DENND1C: variants seen among roughly 807,000 people sequenced by gnomAD.
The protein encoded by DENND1C is DENN domain-containing protein 1C.
DENND1C carries 64 observed loss-of-function variants against 87.9 expected under a neutral mutation model. That is an observed-to-expected ratio of 0.73 (90% CI 0.60 to 0.90). The LOEUF is 0.90. DENND1C is among the 40% of genes least tolerant of loss of function. The pLI is 0.00. For synonymous variants in DENND1C, 384 were observed against 424.4 expected (o/e 0.90, Z 1.17); for missense variants, 980 against 1,037.0 (o/e 0.95, Z 0.76).
chr19:6,474,727 C>G (rs932023678), intron 14 of DENND1C, among the ~76,000 whole-genome samples: 2 of 152,014 alleles, frequency 1.3e-5, no homozygotes, highest in Non-Finnish European at 2.9e-5. Flanking sequence ...ACAAAGTAAG[C>G]ACTCCATTAA....
rs1049004667 is a variant in DENND1C at position 6,476,715 on chromosome 19, A to G, written c.678+142T>C. ...GGGCGGGGCCAGAGTTCAACTCTCC[A>G]AGACCTTCGAAGGGGCGGGGCCAGG... On this transcript the variant is annotated intron_variant, in intron 10 of 22. Transcript: ENST00000381480. 12 of 837,148 alleles carry G rather than the reference A, an allele frequency of 1.4e-5. No individual in the cohort carries two copies. In the Middle Eastern group the frequency reaches 1.1e-3, roughly 77 times the overall value. The allele number at this position is 837,148 out of a possible 1,614,324, so 51.9% of individuals were successfully genotyped here.
Position 6,478,789 on chromosome 19 carries a change from C to T in DENND1C, c.360G>A (p.Gln120=). Residue 120 remains glutamine, a synonymous_variant, in exon 6 of 23, where the codon CAG becomes CAA. Transcript: ENST00000381480. ...LLNTVGDLLA[Q]DQVTEAEELL... ...AGAGAGGGGCTGGTCTCACTTGGTCCTGGGCTAGGAGGTCTCCCACTGTGT... is the reference window on the plus strand; with the variant it reads ...AGAGAGGGGCTGGTCTCACTTGGTCTTGGGCTAGGAGGTCTCCCACTGTGT... 1 of 1,612,410 alleles carries T rather than the reference C, an allele frequency of 6.2e-7. No homozygotes were observed. The highest frequency in any genetic ancestry group is 1.1e-5 in the South Asian group (1 of 90,782).
intron 14 of DENND1C, among the ~76,000 whole-genome samples, 191 bp from the exon 15 acceptor site, chr19:6,473,184 C>T (rs1463612825): frequency 6.6e-6 from 1 of 152,232 alleles, no homozygotes; most frequent in Non-Finnish European, 1.5e-5. Flanking sequence ...GAGACGGAGT[C>T]TCGCTCTGTC....
intron 14 of DENND1C, among the ~76,000 whole-genome samples, chr19:6,473,816 G>GGGGGGGGGGGGGCAA (rs1231177042): frequency 1.5e-5 from 2 of 131,666 alleles, no homozygotes; most frequent in Non-Finnish European, 3.2e-5. Context: ...GGGGGGTGGG[G>GGGGGGGGGGGGGCAA]GGAGGGAAAT....
intron 14 of DENND1C, among the ~76,000 whole-genome samples, chr19:6,473,816 G>GGGGGGGGGGGGGGGGGGGGGGGGAA (rs1231177042): frequency 7.6e-6 from 1 of 131,586 alleles, no homozygotes; most frequent in Non-Finnish European, 1.6e-5. Flanking sequence ...GGGGGGTGGG[G>GGGGGGGGGGGGGGGGGGGGGGGGAA]GGAGGGAAAT....
chr19:6,475,655 G>GA lies in DENND1C; in HGVS notation c.825+50dup, dbSNP rs1568398305. 7 of 1,612,186 alleles carry GA rather than the reference G, an allele frequency of 4.3e-6. No individual in the cohort carries two copies. The Admixed American group carries it at 1.2e-4, about 27-fold the overall frequency. On this transcript the variant is annotated intron_variant, in intron 12 of 22. Coordinates refer to ENST00000381480, the MANE Select transcript of DENND1C (RefSeq NM_024898.4). ...GCAGAGGAGGGCATCTGGGGATGTA[G>GA]AGGAAGGGGGAACCCTCACGTCCCC...
intron 14 of DENND1C, among the ~76,000 whole-genome samples, chr19:6,473,388 C>G (rs1479159065): frequency 6.6e-6 from 1 of 150,766 alleles, no homozygotes; most frequent in African/African-American, 2.4e-5. Flanking sequence ...CTCTTGACCT[C>G]GTGATCCACC....
Position 6,468,970 on chromosome 19 carries a change from G to T in DENND1C, c.1408-17C>A. 1 of 1,352,904 alleles carries T rather than the reference G, an allele frequency of 7.4e-7. No individual in the cohort carries two copies. The highest frequency in any genetic ancestry group is 9.6e-7 in the Non-Finnish European group (1 of 1,044,628). 83.8% of individuals were successfully genotyped at this position (1,352,904 alleles called of 1,614,324 possible). ...GTCCCCATCCTAGGAAGAGAAGAGT[G>T]AACTGGGAACCTCTGCCACAGAGTC... On this transcript the variant is annotated splice_polypyrimidine_tract_variant and intron_variant, in intron 19 of 22. Coordinates refer to ENST00000381480, the MANE Select transcript of DENND1C (RefSeq NM_024898.4).
chr19:6,474,992 C>G (rs576670005), intron 14 of DENND1C, among the ~76,000 whole-genome samples: 2 of 152,046 alleles, frequency 1.3e-5, no homozygotes, highest in Admixed American at 6.6e-5. Flanking sequence ...TCGCTTGAAC[C>G]CGGGAGGCAC....
rs1568401779 is a variant in DENND1C at position 6,479,276 on chromosome 19, T to TCC, written c.177-221_177-220insGG. 3.0e-3 allele frequency among the ~76,000 whole-genome samples: 438 copies of TCC among 148,198 alleles called. 4 individuals are homozygous for TCC. Among genetic ancestry groups the TCC allele is most frequent in the African/African-American group, 0.011 (416 of 38,590 alleles). The stretch of plus-strand genomic sequence containing the variant: ...CCCTGGGTCCCTGGATCTCTGGGTT[T>TCC]CTGGATCTCTGGGTCCTTGAATCCC... On this transcript the variant is annotated intron_variant, in intron 4 of 22. Transcript: ENST00000381480.
rs2092852302 is a variant in DENND1C at position 6,475,313 on chromosome 19, C to G, written c.1014G>C (p.Leu338=). The G allele has an allele frequency of 6.2e-7, 1 of 1,613,306 alleles. No homozygotes were observed. The highest frequency in any genetic ancestry group is 1.3e-5 in the African/African-American group (1 of 74,940). Residue 338 remains leucine (L), a synonymous_variant, in exon 14 of 23, where the codon CTG becomes CTC. Coordinates refer to ENST00000381480, the MANE Select transcript of DENND1C (RefSeq NM_024898.4). ...GTGCGTCGCGGTACCCCCCGAAGAG[C>G]AGGGCCTGGGCTTTGAGGAAGAGAC... is the stretch of plus-strand genomic sequence containing the variant. ...VSRLFLKAQA[L]LFGGYRDALV... is the part of the protein sequence containing the mutation.
rs755657749 is a variant in DENND1C, at chr19:6,471,322, G to C, written c.1250-17C>G. 4.4e-6 allele frequency: 7 copies of C among 1,597,104 alleles called. No homozygotes were observed. Among genetic ancestry groups the C allele is most frequent in the Non-Finnish European group, 5.1e-6 (6 of 1,171,950 alleles). On this transcript the variant is annotated splice_polypyrimidine_tract_variant and intron_variant, in intron 16 of 22. Transcript: ENST00000381480. ...GAAGGGCCCCTGGGGTAAGGAGAGA[G>C]TGTGGTGGTCACCGAAGGCTGGCTG...
At position 6,468,255 on chromosome 19, in the gene DENND1C, G is replaced by T; in HGVS notation, c.1770C>A (p.Asp590Glu). The T allele has an allele frequency of 6.2e-7, 1 of 1,613,496 alleles. No individual in the cohort carries two copies. The highest frequency in any genetic ancestry group is 8.5e-7 in the Non-Finnish European group (1 of 1,179,664). Residue 590 changes from aspartate to glutamate, a missense_variant, in exon 22 of 23, where the codon GAC (aspartate) becomes GAA (glutamate). Coordinates refer to ENST00000381480, the MANE Select transcript of DENND1C (RefSeq NM_024898.4). ...TCACCAGGCTGAAGCAGCTGTCCAG[G>T]TCTCCTCTGTGACAGCAGTCTAAAC... ...SQSLDCCHRG[D>E]LDSCFSLPNI...
At chr19:6,476,384 C>A (rs1188290095) in intron 10 of DENND1C, 1 of 183,012 alleles carries the variant, frequency 5.5e-6, no homozygotes, top group Non-Finnish European at 1.1e-5. Flanking sequence ...CCAGTCTCCA[C>A]GTCTGCCTTT....
At chr19:6,468,777 G>T in intron 20 of DENND1C, 69 bp downstream of exon 20, 1 of 1,424,318 alleles carries the variant, frequency 7.0e-7, no homozygotes. Flanking sequence ...ATGTCTGGAT[G>T]GGGACTGGGA....
chr19:6,480,488 C>T (rs1206034674), intron 1 of DENND1C: 1 of 984,380 alleles, frequency 1.0e-6, no homozygotes, highest in Non-Finnish European at 1.2e-6. Flanking sequence ...ATCTATCTGT[C>T]TGTCTGTCTG....
chr19:6,473,688 C>A (rs962063390), intron 14 of DENND1C, among the ~76,000 whole-genome samples: 2 of 151,600 alleles, frequency 1.3e-5, no homozygotes, highest in African/African-American at 2.4e-5. Context: ...CCAGGCTGGT[C>A]CAAACTCCTG....
Position 6,472,895 on chromosome 19 carries a change from G to T in DENND1C, c.1152C>A (p.Phe384Leu). The T allele has an allele frequency of 6.4e-7, 1 of 1,560,538 alleles. No individual in the cohort carries two copies. The change falls in exon 15 of 23, where the codon TTC (phenylalanine) becomes TTA (leucine). Residue 384 changes from phenylalanine (F) to leucine (L), a missense_variant. Coordinates refer to ENST00000381480, the MANE Select transcript of DENND1C (RefSeq NM_024898.4). The part of the protein sequence containing the change: ...FHRRAVHLQL[F>L]KQFIEARLEK... ...CCTCAGGGCTCTGGCATACCTGTTT[G>T]AACAGCTGCAGGTGCACAGCCCGCC...
In DENND1C at chr19:6,472,915, C is replaced by A. The variant is rs1261281174; in HGVS notation, c.1132G>T (p.Ala378Ser). The A allele has an allele frequency of 1.3e-6, 2 of 1,586,634 alleles. No homozygotes were observed. The highest frequency in any genetic ancestry group is 1.3e-5 in the African/African-American group (1 of 74,106). The change falls in exon 15 of 23, where the codon GCT becomes TCT. Residue 378 changes from alanine (A) to serine (S), a missense_variant. By Grantham distance (99) the Ala-to-Ser change is moderately conservative. Transcript: ENST00000381480. ...GAPLQAFHRR[A>S]VHLQLFKQFI... is the part of the protein sequence containing the mutation. ...TGTTTGAACAGCTGCAGGTGCACAG[C>A]CCGCCGGTGGAAGGCCTGCAGAGGT...
Sources: gnomAD v4.1 joint callset for allele counts (sites outside exome capture counted in the v4.1 genomes callset) on GRCh38, gnomAD v4.1.1 for gene constraint, MANE v1.5 for transcripts, NCBI Gene and HGNC (gene_info 2026-07-23, HGNC 2026-07-21) for gene names.